The following CNTN4 variants were observed in gnomAD, a reference collection of about 807,000 sequenced individuals.
The protein encoded by CNTN4 is contactin-4.
In CNTN4, 77 loss-of-function variants were observed where a neutral mutation model predicts 122.5. The ratio of observed to expected loss-of-function variants is 0.63; its 90% CI spans 0.52 to 0.76. The LOEUF is 0.76. Ranked by LOEUF, CNTN4 falls within the 30% of genes least tolerant of loss-of-function variation. The pLI, the probability that CNTN4 is intolerant of heterozygous loss-of-function variation, is 0.00. For synonymous variants in CNTN4, 512 were observed against 447.0 expected (o/e 1.15, Z -1.83); for missense variants, 1,256 against 1,259.1 (o/e 1.00, Z 0.04).
At chr3:2,144,868 G>A (rs572267089) in intron 2 of CNTN4, among the ~76,000 whole-genome samples, 1 of 152,162 alleles carries the variant, frequency 6.6e-6, no homozygotes, top group Non-Finnish European at 1.5e-5. Flanking sequence ...CATCGAAGCT[G>A]TCCTGTTCAT....
chr3:2,545,073 T>C (rs2078187616), intron 3 of CNTN4, among the ~76,000 whole-genome samples: 1 of 152,164 alleles, frequency 6.6e-6, no homozygotes, highest in Non-Finnish European at 1.5e-5. Flanking sequence ...ATGTTGTATC[T>C]TTGTTCTTAT....
intron 3 of CNTN4, among the ~76,000 whole-genome samples, chr3:2,554,624 A>G (rs1207177180): frequency 1.3e-5 from 2 of 152,164 alleles, no homozygotes; most frequent in Non-Finnish European, 2.9e-5. Flanking sequence ...TTTATTTTAT[A>G]GGCGATATGA....
chr3:2,589,320 A>C (rs1169962553), intron 4 of CNTN4, among the ~76,000 whole-genome samples: 3 of 152,136 alleles, frequency 2.0e-5, no homozygotes, highest in African/African-American at 4.8e-5. Context: ...GAATTCCTTT[A>C]GTTTCAGTGC....
intron 2 of CNTN4, among the ~76,000 whole-genome samples, chr3:2,176,806 C>A (rs2036767058): frequency 6.6e-6 from 1 of 152,104 alleles, no homozygotes. Context: ...AGAAACTATA[C>A]TAGCACAAGT....
chr3:2,498,934 C>T (rs966555805), intron 3 of CNTN4, among the ~76,000 whole-genome samples: 4 of 152,004 alleles, frequency 2.6e-5, no homozygotes, highest in Admixed American at 6.6e-5. Flanking sequence ...GGACTACAGG[C>T]GTGCACCACC....
At chr3:2,419,935 T>G (rs72996095) in intron 3 of CNTN4, among the ~76,000 whole-genome samples, 2,747 of 152,320 alleles carry the variant, frequency 0.018, 37 homozygotes, top group Middle Eastern at 0.034. Context: ...GCTTGATGAC[T>G]GTAATTTTTA....
At chr3:2,398,471 T>A (rs939199629) in intron 3 of CNTN4, among the ~76,000 whole-genome samples, 1 of 152,152 alleles carries the variant, frequency 6.6e-6, no homozygotes, top group African/African-American at 2.4e-5. Context: ...CTATAAAAAA[T>A]TAATACTTTT....
At chr3:2,891,330 C>T (rs1182198050) in intron 10 of CNTN4, among the ~76,000 whole-genome samples, 1 of 151,956 alleles carries the variant, frequency 6.6e-6, no homozygotes, top group African/African-American at 2.4e-5. Context: ...GCCGGTAGTC[C>T]CAACTACACG....
At chr3:2,318,587 G>C (rs1208000015) in intron 2 of CNTN4, among the ~76,000 whole-genome samples, 2 of 152,064 alleles carry the variant, frequency 1.3e-5, no homozygotes, top group Non-Finnish European at 2.9e-5. Context: ...GTGTAGTACT[G>C]TCTCTGTGTG....
In CNTN4 at chr3:2,532,932, G is replaced by A. The variant is rs573353866; in HGVS notation, c.-88-38484G>A. ...AACACTGTAGAACTCATAGCCTTAC[G>A]AGTTTACTGGGGCTGCTAACAGAGC... On this transcript the variant is annotated intron_variant, in intron 3 of 24. Transcript: ENST00000418658. Among the ~76,000 whole-genome samples, 9 of 152,166 alleles carry A rather than the reference G, an allele frequency of 5.9e-5. No homozygotes were observed. In the South Asian group the frequency reaches 8.3e-4, roughly 14 times the overall value.
intron 2 of CNTN4, among the ~76,000 whole-genome samples, chr3:2,331,071 A>G (rs1559459559): frequency 1.3e-5 from 2 of 152,106 alleles, no homozygotes; most frequent in African/African-American, 4.8e-5. Context: ...AACTCTGGAA[A>G]ATTTCATTTT....
intron 2 of CNTN4, among the ~76,000 whole-genome samples, chr3:2,267,717 T>G (rs1051768480): frequency 6.6e-6 from 1 of 152,066 alleles, no homozygotes; most frequent in Non-Finnish European, 1.5e-5. Flanking sequence ...AAACACCCAT[T>G]GCTTCTTAAA....
rs144455754 is a variant in CNTN4 at position 2,766,218 on chromosome 3, T to C, written c.358+20521T>C. ...CAATGCCCTGTGGATTTCCTTCACC[T>C]TTCTCCTGATCGCATCTATAATTTT... is the stretch of plus-strand genomic sequence containing the variant. On this transcript the variant is annotated intron_variant, in intron 6 of 24. Transcript: ENST00000418658. Among the ~76,000 whole-genome samples, 272 of 152,340 alleles carry C rather than the reference T, an allele frequency of 1.8e-3. 1 individual carries two copies. Among genetic ancestry groups the C allele is most frequent in the African/African-American group, 6.3e-3 (261 of 41,574 alleles).
At chr3:2,153,513 TTAAACACGAATA>T (rs1357763153) in intron 2 of CNTN4, among the ~76,000 whole-genome samples, 3 of 152,164 alleles carry the variant, frequency 2.0e-5, no homozygotes, top group Non-Finnish European at 2.9e-5. Context: ...TAGAGTGATT[TTAAACACGAATA>T]TAGGCGGAGA....
At chr3:2,404,828 C>A (rs942444806) in intron 3 of CNTN4, among the ~76,000 whole-genome samples, 10 of 152,052 alleles carry the variant, frequency 6.6e-5, no homozygotes, top group African/African-American at 2.2e-4. Context: ...CAAATCAGTT[C>A]TTTACCCCCA....
chr3:2,283,322 G>T (rs2041789024), intron 2 of CNTN4, among the ~76,000 whole-genome samples: 4 of 152,012 alleles, frequency 2.6e-5, no homozygotes, highest in Admixed American at 1.3e-4. Flanking sequence ...TAATATCAGG[G>T]ATGCATTTGG....
At chr3:2,990,286 C>T (rs1694939449) in intron 14 of CNTN4, among the ~76,000 whole-genome samples, 1 of 152,122 alleles carries the variant, frequency 6.6e-6, no homozygotes, top group Admixed American at 6.5e-5. Flanking sequence ...TATATATTTT[C>T]AAATGGATAT....
At chr3:2,571,907 A>C (rs2079438643) in intron 4 of CNTN4, among the ~76,000 whole-genome samples, 1 of 152,166 alleles carries the variant, frequency 6.6e-6, no homozygotes. Context: ...AGTGTTGCCT[A>C]CTTTCATTTC....
chr3:2,328,869 G>A (rs1415935544), intron 2 of CNTN4, among the ~76,000 whole-genome samples: 1 of 152,116 alleles, frequency 6.6e-6, no homozygotes, highest in Non-Finnish European at 1.5e-5. Flanking sequence ...CCAATCCCAT[G>A]TGGATACCAA....
Sources: gnomAD v4.1 joint callset for allele counts (sites outside exome capture counted in the v4.1 genomes callset) on GRCh38, gnomAD v4.1.1 for gene constraint, MANE v1.5 for transcripts, NCBI Gene and HGNC (gene_info 2026-07-23, HGNC 2026-07-21) for gene names.